Variants in KIAA1328 observed in about 807,000 individuals in gnomAD.
KIAA1328 encodes KIAA1328.
In KIAA1328, 52 loss-of-function variants were observed where a neutral mutation model predicts 68.1. The ratio of observed to expected loss-of-function variants is 0.76; its 90% confidence interval spans 0.61 to 0.96. The LOEUF is 0.96. Among genes scored for constraint, KIAA1328 ranks in the 40% least tolerant of loss-of-function variants. The probability of loss-of-function intolerance (pLI) is 0.00; values close to 1 mark genes in which losing one functional copy is unlikely to be tolerated. For synonymous variants in KIAA1328, 232 were observed against 239.4 expected, an observed-to-expected ratio of 0.97 and a Z score of 0.28; for missense variants, 641 against 677.6, an observed-to-expected ratio of 0.95 and a Z score of 0.60.
chr18:37,004,609 G>T (rs1442973001), intron 6 of KIAA1328, among the ~76,000 whole-genome samples: 1 of 152,028 alleles, frequency 6.6e-6, no homozygotes, highest in Non-Finnish European at 1.5e-5. Flanking sequence ...ATGGATGTTG[G>T]TGTGGATGCA....
intron 9 of KIAA1328, among the ~76,000 whole-genome samples, chr18:37,178,714 G>C (rs2059641749): frequency 6.6e-6 from 1 of 152,072 alleles, no homozygotes; most frequent in African/African-American, 2.4e-5. Flanking sequence ...GTATATGAGA[G>C]TTTTCTTTCT....
At chr18:37,068,620 C>T (rs1003962465) in intron 7 of KIAA1328, among the ~76,000 whole-genome samples, 5 of 152,134 alleles carry the variant, frequency 3.3e-5, no homozygotes, top group Non-Finnish European at 7.4e-5. Context: ...GCCCTCCTAT[C>T]TTCTTCAGTA....
chr18:37,183,146 G>A (rs965747170), intron 9 of KIAA1328, among the ~76,000 whole-genome samples: 1 of 152,108 alleles, frequency 6.6e-6, no homozygotes, highest in African/African-American at 2.4e-5. Flanking sequence ...TTGTCTAGAT[G>A]ATAGGGTTAA....
chr18:37,016,491 G>C (rs2054157926), intron 6 of KIAA1328, among the ~76,000 whole-genome samples: 1 of 151,948 alleles, frequency 6.6e-6, no homozygotes, highest in African/African-American at 2.4e-5. Flanking sequence ...GCTTTGTAAA[G>C]TCCCTCCTCC....
intron 7 of KIAA1328, among the ~76,000 whole-genome samples, chr18:37,145,473 T>C (rs912204201): frequency 1.3e-5 from 2 of 152,328 alleles, no homozygotes; most frequent in African/African-American, 4.8e-5. Flanking sequence ...AATTGATCAA[T>C]AGTATTGTTC....
At chr18:37,202,794 A>T (rs1297061482) in intron 9 of KIAA1328, among the ~76,000 whole-genome samples, 1 of 152,180 alleles carries the variant, frequency 6.6e-6, no homozygotes, top group Non-Finnish European at 1.5e-5. Flanking sequence ...ATTATTTGAC[A>T]ATGTGTCTTG....
chr18:37,013,899 A>C (rs1277310756), intron 6 of KIAA1328, among the ~76,000 whole-genome samples: 1 of 152,218 alleles, frequency 6.6e-6, no homozygotes, highest in Non-Finnish European at 1.5e-5. Flanking sequence ...GTTCTGTTTT[A>C]AGTTTCTTGA....
chr18:36,912,560 A>G (rs2049496043), intron 5 of KIAA1328, among the ~76,000 whole-genome samples: 2 of 152,142 alleles, frequency 1.3e-5, no homozygotes, highest in Admixed American at 1.3e-4. Flanking sequence ...GGATGTGGAC[A>G]TCTGTGGGTG....
chr18:37,202,019 C>A (rs1011793993), intron 9 of KIAA1328, among the ~76,000 whole-genome samples: 13 of 152,124 alleles, frequency 8.5e-5, no homozygotes, highest in African/African-American at 2.9e-4. Context: ...TGACCTGTTA[C>A]AATAGAGAAC....
At chr18:37,071,572 G>A (rs1035265186) in intron 7 of KIAA1328, among the ~76,000 whole-genome samples, 2 of 152,106 alleles carry the variant, frequency 1.3e-5, no homozygotes. Flanking sequence ...AGTATTATAA[G>A]TAATGTAGAG....
rs556586127 is a variant in KIAA1328 at position 36,943,709 on chromosome 18, G to C, written c.449-15599G>C. 2.0e-5 allele frequency among the ~76,000 whole-genome samples: 3 copies of C among 152,238 alleles called. No individual in the cohort carries two copies. In the South Asian group the frequency reaches 6.2e-4, roughly 32 times the overall value. On this transcript the variant is annotated intron_variant, in intron 5 of 9. Coordinates refer to ENST00000280020, the MANE Select transcript of KIAA1328 (RefSeq NM_020776.3). Reference sequence around the variant, plus strand: ...TTAATTGATGCCAGTTGGAGAAAAAGAAGAAATTTTGTTTTGATGGATAAC... The same window carrying C: ...TTAATTGATGCCAGTTGGAGAAAAACAAGAAATTTTGTTTTGATGGATAAC...
At chr18:37,042,301 A>G (rs146121283) in intron 6 of KIAA1328, among the ~76,000 whole-genome samples, 34 of 152,178 alleles carry the variant, frequency 2.2e-4, no homozygotes, top group South Asian at 6.2e-4. Context: ...TACCTACAAG[A>G]TGATCTTTTC....
intron 6 of KIAA1328, among the ~76,000 whole-genome samples, chr18:36,973,807 G>GCACATACACACACACATA (rs2052340860): frequency 8.2e-5 from 7 of 85,420 alleles, no homozygotes; most frequent in Non-Finnish European, 1.3e-4. Context: ...TTGTGTGTAC[G>GCACATACACACACACATA]CACATACACA....
chr18:37,169,094 T>G (rs1364393038), intron 8 of KIAA1328, among the ~76,000 whole-genome samples: 1 of 151,986 alleles, frequency 6.6e-6, no homozygotes, highest in Non-Finnish European at 1.5e-5. Flanking sequence ...ACATACACAT[T>G]TATGTATGAA....
At chr18:37,164,931 G>C (rs2059356040) in intron 8 of KIAA1328, among the ~76,000 whole-genome samples, 1 of 152,084 alleles carries the variant, frequency 6.6e-6, no homozygotes, top group African/African-American at 2.4e-5. Context: ...CCCCAATTAA[G>C]ATATAGTACA....
chr18:37,032,667 G>T (rs902607430), intron 6 of KIAA1328, among the ~76,000 whole-genome samples: 2 of 151,848 alleles, frequency 1.3e-5, no homozygotes, highest in African/African-American at 4.8e-5. Context: ...TTGAGATGGA[G>T]TTTCACTCTT....
chr18:37,123,317 A>G (rs2058316031), intron 7 of KIAA1328, among the ~76,000 whole-genome samples: 1 of 152,188 alleles, frequency 6.6e-6, no homozygotes, highest in Non-Finnish European at 1.5e-5. Flanking sequence ...TGTTCAGCCT[A>G]GTTATGACAA....
intron 4 of KIAA1328, among the ~76,000 whole-genome samples, chr18:36,853,529 C>G (rs1466601456): frequency 6.6e-6 from 1 of 152,172 alleles, no homozygotes; most frequent in East Asian, 1.9e-4. Flanking sequence ...TTGTGACACT[C>G]TAATTTGAAT....
chr18:37,159,400 A>G (rs982787252), intron 7 of KIAA1328, among the ~76,000 whole-genome samples: 2 of 152,138 alleles, frequency 1.3e-5, no homozygotes, highest in African/African-American at 4.8e-5. Context: ...AGCTGCCTCT[A>G]TGCATTTCCA....
Sources: allele counts gnomAD v4.1 joint callset (sites outside exome capture counted in the v4.1 genomes callset), GRCh38; gene constraint gnomAD v4.1.1; transcripts MANE v1.5; gene names NCBI Gene and HGNC (gene_info 2026-07-23, HGNC 2026-07-21).